GRIN2B: variants seen among roughly 807,000 people sequenced by gnomAD.
The protein encoded by GRIN2B is glutamate receptor ionotropic, NMDA 2B.
A neutral mutation model predicts 114.5 loss-of-function variants in GRIN2B; 5 were observed. That is an observed-to-expected ratio of 0.04 (90% CI 0.02 to 0.09). The LOEUF (loss-of-function observed/expected upper bound fraction) is 0.09, where lower values mean the gene tolerates loss of function less well. GRIN2B is among the 10% of genes least tolerant of loss of function. The probability of loss-of-function intolerance (pLI) is 1.00; values close to 1 mark genes in which losing one functional copy is unlikely to be tolerated. For synonymous variants in GRIN2B, 787 were observed against 745.1 expected, an observed-to-expected ratio of 1.06 and a Z score of -0.92; for missense variants, 1,108 against 1,943.5, an observed-to-expected ratio of 0.57 and a Z score of 8.08.
intron 4 of GRIN2B, among the ~76,000 whole-genome samples, chr12:13,694,568 T>C (rs1412115346): frequency 6.7e-6 from 1 of 149,212 alleles, no homozygotes; most frequent in Non-Finnish European, 1.5e-5. Flanking sequence ...AGTGACAGAC[T>C]GGAATTAAAA....
intron 5 of GRIN2B, among the ~76,000 whole-genome samples, chr12:13,626,375 T>C (rs1484201354): frequency 1.3e-5 from 2 of 152,312 alleles, no homozygotes; most frequent in East Asian, 3.9e-4. Flanking sequence ...TGTTATAATC[T>C]GCTTTTGGGA....
At chr12:13,780,355 T>C (rs1481761075) in intron 3 of GRIN2B, among the ~76,000 whole-genome samples, 3 of 152,208 alleles carry the variant, frequency 2.0e-5, no homozygotes, top group Non-Finnish European at 4.4e-5. Flanking sequence ...AGCCAGTATT[T>C]CATGAAGGTT....
At chr12:13,749,030 C>G (rs1863435744) in intron 4 of GRIN2B, among the ~76,000 whole-genome samples, 1 of 152,190 alleles carries the variant, frequency 6.6e-6, no homozygotes, top group Non-Finnish European at 1.5e-5. Context: ...GAGATAATCA[C>G]TAAGTCTATA....
chr12:13,907,318 T>C (rs749413883), intron 2 of GRIN2B, among the ~76,000 whole-genome samples: 1 of 151,856 alleles, frequency 6.6e-6, no homozygotes, highest in Non-Finnish European at 1.5e-5. Flanking sequence ...TGGTGAAACC[T>C]GTCTCTACTA....
intron 2 of GRIN2B, among the ~76,000 whole-genome samples, chr12:13,880,181 A>G (rs1866049427): frequency 6.6e-6 from 1 of 152,198 alleles, no homozygotes; most frequent in Non-Finnish European, 1.5e-5. Context: ...AGATGCCTTT[A>G]TTAGGAAGCA....
chr12:13,973,662 A>G (rs1274993336), intron 2 of GRIN2B, among the ~76,000 whole-genome samples: 1 of 152,174 alleles, frequency 6.6e-6, no homozygotes, highest in Non-Finnish European at 1.5e-5. Context: ...AGGTCAGTCA[A>G]TGGTGGGAAT....
intron 5 of GRIN2B, among the ~76,000 whole-genome samples, chr12:13,628,986 A>G (rs11611022): frequency 0.083 from 12,631 of 152,216 alleles, 565 homozygotes; most frequent in Non-Finnish European, 0.1. Context: ...GAAGAGGTCA[A>G]AGTCATTTAA....
At chr12:13,695,445 G>C (rs1950251851) in intron 4 of GRIN2B, among the ~76,000 whole-genome samples, 1 of 152,160 alleles carries the variant, frequency 6.6e-6, no homozygotes, top group Non-Finnish European at 1.5e-5. Context: ...CAAGCTTCAG[G>C]CTTCACCAGG....
intron 5 of GRIN2B, among the ~76,000 whole-genome samples, chr12:13,652,140 G>A (rs1010533252): frequency 2.0e-5 from 3 of 151,660 alleles, no homozygotes; most frequent in South Asian, 2.1e-4. Flanking sequence ...TTTGTCTAGA[G>A]GGGCCACTTT....
At chr12:13,665,136 T>C (rs756480605) in intron 5 of GRIN2B, among the ~76,000 whole-genome samples, 6 of 125,366 alleles carry the variant, frequency 4.8e-5, no homozygotes, top group Admixed American at 9.2e-5. Flanking sequence ...AAAGAGAGGG[T>C]GTGTGTGTGT....
intron 2 of GRIN2B, among the ~76,000 whole-genome samples, chr12:13,953,856 C>A (rs1362816): frequency 0.054 from 8,212 of 152,276 alleles, 314 homozygotes; most frequent in Non-Finnish European, 0.081. Context: ...ATCCCTTTGT[C>A]CCTGATTCCC....
intron 2 of GRIN2B, among the ~76,000 whole-genome samples, chr12:13,909,333 C>T (rs1211722382): frequency 6.6e-6 from 1 of 152,198 alleles, no homozygotes; most frequent in African/African-American, 2.4e-5. Flanking sequence ...TAAGGACTAC[C>T]TGGATTCATC....
chr12:13,818,573 A>T (rs1003594470), intron 3 of GRIN2B, among the ~76,000 whole-genome samples: 1 of 152,378 alleles, frequency 6.6e-6, no homozygotes, highest in African/African-American at 2.4e-5. Flanking sequence ...CAAACCTCAT[A>T]TAGTTAAATC....
intron 10 of GRIN2B, among the ~76,000 whole-genome samples, chr12:13,577,840 A>G (rs1447222713): frequency 6.6e-6 from 1 of 152,252 alleles, no homozygotes; most frequent in Non-Finnish European, 1.5e-5. Flanking sequence ...AGGAGTTTGC[A>G]TTACAGAGAG....
rs199677214 is a variant in GRIN2B at position 13,564,458 on chromosome 12, C to A, written c.2780G>T (p.Arg927Leu). Residue 927 changes from arginine (R) to leucine (L), a missense_variant, in exon 14 of 14, where the codon CGG (arginine) becomes CTG (leucine). Arg to Leu is a moderately radical substitution (Grantham distance 102). Transcript: ENST00000609686. This position sits in a 1 kb window ranked among gnomAD's most constrained non-coding sequence, Gnocchi z 4.8. The part of the protein sequence containing the change: ...SPQSALDFIR[R>L]ESSVYDISEH... ...TGAGATGTCATAGACGGATGACTCC[C>A]GTCGGATGAAGTCCAGGGCGCTCTG... 1.9e-6 allele frequency: 3 copies of A among 1,614,070 alleles called. No individual in the cohort carries two copies. The highest frequency in any genetic ancestry group is 2.5e-6 in the Non-Finnish European group (3 of 1,180,034).
chr12:13,781,697 TA>T (rs1864117708), intron 3 of GRIN2B, among the ~76,000 whole-genome samples: 4 of 152,158 alleles, frequency 2.6e-5, no homozygotes, highest in Admixed American at 2.0e-4. Context: ...AATATGACCC[TA>T]AAAATGCCAA....
chr12:13,964,770 T>C (rs1360119880), intron 2 of GRIN2B, among the ~76,000 whole-genome samples: 3 of 152,168 alleles, frequency 2.0e-5, no homozygotes, highest in Non-Finnish European at 2.9e-5. Flanking sequence ...TGAAGCGGGT[T>C]TGGGGGTCAA....
At chr12:13,969,887 A>C (rs749657229) in intron 2 of GRIN2B, among the ~76,000 whole-genome samples, 1 of 152,186 alleles carries the variant, frequency 6.6e-6, no homozygotes, top group South Asian at 2.1e-4. Context: ...CATTTATTCC[A>C]GACAGTCCAG....
At chr12:13,849,209 C>T (rs1008250972) in intron 3 of GRIN2B, among the ~76,000 whole-genome samples, 18 of 152,056 alleles carry the variant, frequency 1.2e-4, no homozygotes, top group African/African-American at 4.3e-4. Flanking sequence ...AACTGGGACT[C>T]TGGCCGCTGC....
Sources: allele counts gnomAD v4.1 joint callset (sites outside exome capture counted in the v4.1 genomes callset), GRCh38; gene constraint gnomAD v4.1.1; non-coding constraint Gnocchi (gnomAD v3.1); transcripts MANE v1.5; gene names NCBI Gene and HGNC (gene_info 2026-07-23, HGNC 2026-07-21).